The following RHCG variants were observed in gnomAD, a reference collection of about 807,000 sequenced individuals.
RHCG encodes the protein ammonium transporter Rh type C.
A neutral mutation model predicts 55.3 loss-of-function variants in RHCG; 39 were observed. The ratio of observed to expected loss-of-function variants is 0.70; its 90% CI spans 0.55 to 0.92. The LOEUF (loss-of-function observed/expected upper bound fraction) is 0.92. RHCG is among the 40% of genes least tolerant of loss of function. The pLI is 0.00. For synonymous variants in RHCG, 250 were observed against 246.8 expected, an observed-to-expected ratio of 1.01 and a Z score of -0.12; for missense variants, 635 against 627.9, an observed-to-expected ratio of 1.01 and a Z score of -0.12.
chr15:89,490,978 G>A (rs1002151610), intron 1 of RHCG, among the ~76,000 whole-genome samples: 2 of 152,288 alleles, frequency 1.3e-5, no homozygotes, highest in East Asian at 1.9e-4. Flanking sequence ...CGAAGGACAC[G>A]CTGGCAGGGA....
chr15:89,490,677 T>G (rs1235375899), intron 1 of RHCG, among the ~76,000 whole-genome samples: 1 of 151,830 alleles, frequency 6.6e-6, no homozygotes, highest in African/African-American at 2.4e-5. Flanking sequence ...GTTGGCAGGA[T>G]GACAGGATGG....
At chr15:89,478,098 A>C (rs1423989455) in intron 5 of RHCG, 124 bp from the exon 6 acceptor site, 1 of 1,260,770 alleles carries the variant, frequency 7.9e-7, no homozygotes, top group African/African-American at 1.5e-5. Context: ...GATGGCTGGG[A>C]GTTCACCTCA....
intron 3 of RHCG, among the ~76,000 whole-genome samples, chr15:89,481,049 G>C (rs954373026): frequency 6.6e-6 from 1 of 152,214 alleles, no homozygotes; most frequent in African/African-American, 2.4e-5. Flanking sequence ...ACTGGTTGTT[G>C]ACAGGGCTGG....
intron 5 of RHCG, among the ~76,000 whole-genome samples, chr15:89,478,902 C>T (rs984790540): frequency 1.3e-5 from 2 of 152,170 alleles, no homozygotes; most frequent in African/African-American, 2.4e-5. Flanking sequence ...ACCAGCCTGA[C>T]GAATATGGTG....
At chr15:89,476,970 G>A (rs1469377235) in intron 8 of RHCG, 112 bp downstream of exon 8, 2 of 1,555,670 alleles carry the variant, frequency 1.3e-6, no homozygotes, top group Admixed American at 1.7e-5. Flanking sequence ...GAAGTGCAGA[G>A]ATCAGGGATT....
At chr15:89,475,329 C>T (rs147665713) in intron 9 of RHCG, among the ~76,000 whole-genome samples, 1,825 of 152,150 alleles carry the variant, frequency 0.012, 10 homozygotes, top group South Asian at 0.021. Context: ...TCTGCCCCCC[C>T]GCCCCAGGGT....
chr15:89,490,025 A>G (rs369920149), intron 1 of RHCG, among the ~76,000 whole-genome samples: 1 of 152,148 alleles, frequency 6.6e-6, no homozygotes, highest in Non-Finnish European at 1.5e-5. Context: ...TGGATGAATG[A>G]ATGATTGTTA....
intron 8 of RHCG, 33 bp from the exon 9 acceptor site, chr15:89,476,861 A>G (rs1961160226): frequency 1.2e-5 from 19 of 1,593,616 alleles, no homozygotes; most frequent in Non-Finnish European, 1.5e-5. Flanking sequence ...GGATGTCAGG[A>G]AGTGCCTTCT....
Position 89,475,700 on chromosome 15 carries a change from C to A in RHCG, c.1311+1055G>T, listed in dbSNP as rs1330187909. The stretch of plus-strand genomic sequence containing the variant: ...GAGCACTGCACTGTGATTCCTAACC[C>A]AGGCTGGGTGTTAGAATCCCCGAGG... On this transcript the variant is annotated intron_variant, in intron 9 of 10. Transcript: ENST00000268122. Among the ~76,000 whole-genome samples, 4 of 152,264 alleles carry A rather than the reference C, an allele frequency of 2.6e-5. No homozygotes were observed. In the South Asian group the frequency reaches 8.3e-4, roughly 32 times the overall value.
intron 5 of RHCG, among the ~76,000 whole-genome samples, chr15:89,478,778 C>T (rs1036151790): frequency 2.0e-5 from 3 of 152,172 alleles, no homozygotes; most frequent in East Asian, 3.8e-4. Context: ...CATATGCCCA[C>T]GTCAAGACGC....
chr15:89,496,231 G>T, intron 1 of RHCG, 130 bp downstream of exon 1: 1 of 882,640 alleles, frequency 1.1e-6, no homozygotes, highest in Non-Finnish European at 1.8e-6. Context: ...GCCCTGCAGA[G>T]GCCGGCGAGA....
intron 1 of RHCG, among the ~76,000 whole-genome samples, chr15:89,496,028 G>A (rs1172431484): frequency 7.2e-5 from 11 of 152,222 alleles, no homozygotes; most frequent in Non-Finnish European, 2.9e-5. Context: ...AGGGAGCCAG[G>A]TCATCCACTG....
chr15:89,483,116 T>G lies in RHCG; in HGVS notation c.473A>C (p.Gln158Pro). The G allele has an allele frequency of 6.2e-7, 1 of 1,607,598 alleles. No homozygotes were observed. The highest frequency in any genetic ancestry group is 2.2e-5 in the East Asian group (1 of 44,674). Reference sequence around the variant, plus strand: ...CTCATTCACAGCGAAGAGGGTCACTTGGAAGAAAGTCATGATGAGCAGCTG... The same window carrying G: ...CTCATTCACAGCGAAGAGGGTCACTGGGAAGAAAGTCATGATGAGCAGCTG... ...PIQLLIMTFF[Q>P]VTLFAVNEFI... Residue 158 changes from glutamine (Q) to proline (P), a missense_variant, in exon 3 of 11, where the codon CAA becomes CCA. Transcript: ENST00000268122.
chr15:89,489,220 G>C (rs973296642), intron 1 of RHCG, among the ~76,000 whole-genome samples: 1 of 152,006 alleles, frequency 6.6e-6, no homozygotes, highest in African/African-American at 2.4e-5. Flanking sequence ...GGGTTCAAAC[G>C]ATCCTCCCAC....
At chr15:89,479,291 A>C in intron 5 of RHCG, 31 bp downstream of exon 5, 1 of 1,596,420 alleles carries the variant, frequency 6.3e-7, no homozygotes, top group African/African-American at 1.3e-5. Flanking sequence ...CCAGGCAGTC[A>C]GAGCCACACC....
chr15:89,483,000 T>C, intron 3 of RHCG, 67 bp downstream of exon 3: 1 of 1,436,832 alleles, frequency 7.0e-7, no homozygotes, highest in Non-Finnish European at 9.4e-7. Context: ...CAGCTGTCTA[T>C]TTCTCCATAC....
Position 89,486,808 on chromosome 15 carries a change from C to T in RHCG, c.362G>A (p.Gly121Asp). Reference protein sequence around the residue: ...HFLQDRYIVVGVENLINADFC... With the variant: ...HFLQDRYIVVDVENLINADFC... ...CCCGCCCTGCGCTCACTTCTCCACG[C>T]CCACGACGATGTAGCGGTCTTGTAA... Residue 121 changes from glycine (G) to aspartate (D), a missense_variant, in exon 2 of 11, where the codon GGC (glycine) becomes GAC (aspartate). Transcript: ENST00000268122. 1 of 1,589,840 alleles carries T rather than the reference C, an allele frequency of 6.3e-7. No individual in the cohort carries two copies. The highest frequency in any genetic ancestry group is 8.6e-7 in the Non-Finnish European group (1 of 1,162,308).
chr15:89,483,164 A>G lies in RHCG; in HGVS notation c.425T>C (p.Val142Ala), dbSNP rs752951654. The G allele has an allele frequency of 6.2e-7, 1 of 1,602,314 alleles. No individual in the cohort carries two copies. The highest frequency in any genetic ancestry group is 1.7e-5 in the Admixed American group (1 of 59,802). Residue 142 changes from valine to alanine, a missense_variant, in exon 3 of 11, where the codon GTT (valine) becomes GCT (alanine). Transcript: ENST00000268122. ...CTGAATGGGGCTGACTTTACCCAGA[A>G]CTGCCCCAAAGGCCACGCAGACAGA... The part of the protein sequence containing the change: ...VASVCVAFGA[V>A]LGKVSPIQLL...
rs553589691 is a variant in RHCG, at chr15:89,474,141, T to C, written c.1312-1278A>G. Among the ~76,000 whole-genome samples, 9 of 152,264 alleles carry C rather than the reference T, an allele frequency of 5.9e-5. No individual in the cohort carries two copies. The East Asian group carries it at 1.3e-3, about 23-fold the overall frequency. Reference sequence around the variant, plus strand: ...TGGGTGAATAATACAATTTCAACCGTGTAAGAAAAATCTATGCAGAGAAAA... The same window carrying C: ...TGGGTGAATAATACAATTTCAACCGCGTAAGAAAAATCTATGCAGAGAAAA... On this transcript the variant is annotated intron_variant, in intron 9 of 10. Coordinates refer to ENST00000268122, the MANE Select transcript of RHCG (RefSeq NM_016321.3).
Sources: gnomAD v4.1 joint callset for allele counts (sites outside exome capture counted in the v4.1 genomes callset) on GRCh38, gnomAD v4.1.1 for gene constraint, MANE v1.5 for transcripts, NCBI Gene and HGNC (gene_info 2026-07-23, HGNC 2026-07-21) for gene names.